The following PID1 variants were observed in gnomAD, a reference collection of about 807,000 sequenced individuals.
The protein encoded by PID1 is phosphotyrosine interaction domain containing 1, also known as PTB-containing, cubilin and LRP1-interacting protein.
In PID1, 10 loss-of-function variants were observed where a neutral mutation model predicts 19.1. The observed-to-expected ratio is 0.52, with a 90% CI of 0.32 to 0.89. The LOEUF (loss-of-function observed/expected upper bound fraction) is 0.89, where lower values mean the gene tolerates loss of function less well. Among genes scored for constraint, PID1 ranks in the 40% least tolerant of loss-of-function variants. The pLI, the probability that PID1 is intolerant of heterozygous loss-of-function variation, is 0.03. For missense variants in PID1, 248 were observed against 285.3 expected (o/e 0.87, Z 0.94); for synonymous variants, 130 against 116.0 (o/e 1.12, Z -0.78).
At chr2:229,144,478 A>G (rs1051490514) in intron 2 of PID1, among the ~76,000 whole-genome samples, 1 of 152,210 alleles carries the variant, frequency 6.6e-6, no homozygotes, top group Non-Finnish European at 1.5e-5. Context: ...ATATAAAACT[A>G]TACAATTCTA....
chr2:229,114,253 T>A (rs562614843), intron 2 of PID1, among the ~76,000 whole-genome samples: 1 of 151,704 alleles, frequency 6.6e-6, no homozygotes, highest in South Asian at 2.1e-4. Flanking sequence ...AGAACTCTAA[T>A]ATAGTTACAA....
chr2:229,228,046 G>A (rs756961647), intron 1 of PID1: 1 of 455,932 alleles, frequency 2.2e-6, no homozygotes, highest in South Asian at 1.5e-5. Flanking sequence ...TATTGTGACT[G>A]GAGTTGCAGC....
chr2:229,084,512 AG>A (rs1559225844), intron 2 of PID1, among the ~76,000 whole-genome samples: 1 of 152,188 alleles, frequency 6.6e-6, no homozygotes, highest in Non-Finnish European at 1.5e-5. Flanking sequence ...GTGGGTTTAC[AG>A]GCATATGAAT....
intron 1 of PID1, among the ~76,000 whole-genome samples, chr2:229,237,268 C>G (rs965749309): frequency 6.6e-6 from 1 of 152,130 alleles, no homozygotes; most frequent in African/African-American, 2.4e-5. Flanking sequence ...GTCACCAACA[C>G]CTGTCAGTGT....
intron 2 of PID1, among the ~76,000 whole-genome samples, chr2:229,102,579 C>A (rs1183078578): frequency 6.6e-6 from 1 of 152,198 alleles, no homozygotes; most frequent in African/African-American, 2.4e-5. Context: ...ACACCAGAAG[C>A]TGGTCTGCAT....
chr2:229,150,420 T>C (rs773044329), intron 2 of PID1, among the ~76,000 whole-genome samples: 43 of 152,004 alleles, frequency 2.8e-4, no homozygotes, highest in Non-Finnish European at 5.4e-4. Flanking sequence ...ACGAAAAGGA[T>C]GTTGTGGAAA....
At chr2:229,254,079 C>T (rs545053614) in intron 1 of PID1, among the ~76,000 whole-genome samples, 24 of 152,148 alleles carry the variant, frequency 1.6e-4, no homozygotes, top group African/African-American at 5.1e-4. Context: ...TTCCAACTCC[C>T]GGGAGAAAGT....
At chr2:229,141,860 T>C (rs944082237) in intron 2 of PID1, among the ~76,000 whole-genome samples, 3 of 146,808 alleles carry the variant, frequency 2.0e-5, no homozygotes, top group African/African-American at 7.7e-5. Flanking sequence ...ATCATTTCTC[T>C]TGCCAAGAAA....
At chr2:229,248,856 A>G (rs1690072505) in intron 1 of PID1, among the ~76,000 whole-genome samples, 1 of 152,144 alleles carries the variant, frequency 6.6e-6, no homozygotes, top group African/African-American at 2.4e-5. Context: ...CTTCTGTGTC[A>G]TGTTGAAATA....
At chr2:229,255,104 A>C (rs1049510781) in intron 1 of PID1, among the ~76,000 whole-genome samples, 2 of 152,196 alleles carry the variant, frequency 1.3e-5, no homozygotes, top group Non-Finnish European at 2.9e-5. Context: ...AGCAATAGAC[A>C]ACTGTCTCAA....
chr2:229,143,034 A>G (rs1559253907), intron 2 of PID1, among the ~76,000 whole-genome samples: 4 of 148,208 alleles, frequency 2.7e-5, no homozygotes, highest in Non-Finnish European at 5.9e-5. Context: ...TGATGAGTTC[A>G]TGTCCTTTGT....
chr2:229,111,083 T>C (rs1695288962), intron 2 of PID1, among the ~76,000 whole-genome samples: 1 of 152,226 alleles, frequency 6.6e-6, no homozygotes, highest in Non-Finnish European at 1.5e-5. Flanking sequence ...TTCTCTCCCT[T>C]ATCTGCTGCC....
rs528010540 is a variant in PID1, at chr2:229,208,417, A to G, written c.31-52453T>C. On this transcript the variant is annotated intron_variant, in intron 1 of 2. Coordinates refer to ENST00000392055, the MANE Select transcript of PID1 (RefSeq NM_001100818.2). Reference sequence around the variant, plus strand: ...AGTAACAATTGTCTCAAAAAGAAACATATATCCCTGCCCTTTGGTTTTAGA... The same window carrying G: ...AGTAACAATTGTCTCAAAAAGAAACGTATATCCCTGCCCTTTGGTTTTAGA... Among the ~76,000 whole-genome samples, 12 of 152,302 alleles carry G rather than the reference A, an allele frequency of 7.9e-5. No individual in the cohort carries two copies. In the South Asian group the frequency reaches 2.5e-3, roughly 32 times the overall value.
chr2:229,055,100 A>G (rs1694072952), intron 2 of PID1, among the ~76,000 whole-genome samples: 1 of 152,170 alleles, frequency 6.6e-6, no homozygotes, highest in Non-Finnish European at 1.5e-5. Flanking sequence ...GAATTCGTCC[A>G]TTGTGGTCTC....
rs1195576174 is a variant in PID1 at position 229,139,040 on chromosome 2, AG to A, written c.177+16777del. ...GAAAGAAAGAAAGAAAGAAAGAAAGAGAAAGAAAGAAAGAAAGAGAAAGAAA... is the reference window on the plus strand; with the variant it reads ...GAAAGAAAGAAAGAAAGAAAGAAAGAAAAGAAAGAAAGAAAGAGAAAGAAA... On this transcript the variant is annotated intron_variant, in intron 2 of 2. Transcript: ENST00000392055. Among the ~76,000 whole-genome samples the A allele has an allele frequency of 2.9e-4, 14 of 47,534 alleles. 2 individuals carry two copies. In the South Asian group the frequency reaches 3.3e-3, roughly 11 times the overall value. 31.2% of individuals were successfully genotyped at this position (47,534 alleles called of 152,430 possible).
rs568179579 is a variant in PID1 at position 229,030,541 on chromosome 2, T to C, written c.178-4433A>G. 1.8e-3 allele frequency among the ~76,000 whole-genome samples: 280 copies of C among 152,316 alleles called. 2 individuals are homozygous for C. The highest frequency in any genetic ancestry group is 2.6e-3 in the Non-Finnish European group (175 of 68,028). ...ATTCACTGAAACTAGAAATAACTGT[T>C]TTTATGTTTGGTAGAAAAAATCCTG... On this transcript the variant is annotated intron_variant, in intron 2 of 2. Transcript: ENST00000392055.
intron 1 of PID1, among the ~76,000 whole-genome samples, chr2:229,206,013 A>G (rs1691601914): frequency 6.6e-6 from 1 of 152,138 alleles, no homozygotes; most frequent in Admixed American, 6.6e-5. Context: ...TTGGAGAATG[A>G]ACGGCTTACA....
intron 1 of PID1, among the ~76,000 whole-genome samples, chr2:229,164,020 A>G (rs1482810310): frequency 6.6e-6 from 1 of 152,162 alleles, no homozygotes; most frequent in East Asian, 1.9e-4. Context: ...GAAGTTCTGC[A>G]AAAGGAACAT....
intron 1 of PID1, among the ~76,000 whole-genome samples, chr2:229,192,192 C>T (rs905574486): frequency 3.9e-5 from 6 of 152,210 alleles, no homozygotes; most frequent in South Asian, 4.1e-4. Flanking sequence ...ATACACAACA[C>T]GGTTTGACAG....
Sources: allele counts gnomAD v4.1 joint callset (sites outside exome capture counted in the v4.1 genomes callset), GRCh38; gene constraint gnomAD v4.1.1; transcripts MANE v1.5; gene names NCBI Gene and HGNC (gene_info 2026-07-23, HGNC 2026-07-21).